Variants in TENM1 observed in about 807,000 individuals in gnomAD.
The protein encoded by TENM1 is teneurin-1.
In TENM1, 35 loss-of-function variants were observed where a neutral mutation model predicts 174.8. The ratio of observed to expected loss-of-function variants is 0.20; its 90% CI spans 0.15 to 0.27. The LOEUF (loss-of-function observed/expected upper bound fraction) is 0.27. Among genes scored for constraint, TENM1 ranks in the 10% least tolerant of loss-of-function variants. TENM1 has a pLI of 1.00. For missense variants in TENM1, 1,633 were observed against 2,130.1 expected (o/e 0.77, Z 4.59); for synonymous variants, 781 against 798.7 (o/e 0.98, Z 0.37).
rs200848099 is a variant in TENM1 at position 124,551,528 on chromosome X, C to CCACACACA, written c.2435-4446_2435-4439dup. 1.5e-3 allele frequency among the ~76,000 whole-genome samples: 154 copies of CCACACACA among 101,797 alleles called. 4 individuals are homozygous for CCACACACA. Among genetic ancestry groups the CCACACACA allele is most frequent in the Non-Finnish European group, 1.1e-3 (56 of 49,698 alleles). The allele number at this position is 101,797 out of a possible 115,157, so 88.4% of individuals were successfully genotyped here. On this transcript the variant is annotated intron_variant, in intron 14 of 31. Transcript: ENST00000422452. ...TTAAGTGTTCTTAACACACACACAC[C>CCACACACA]CACACACACACACACACACACACAC...
intron 4 of TENM1, among the ~76,000 whole-genome samples, chrX:124,714,298 C>CCTAT (rs1177620554): frequency 1.8e-5 from 2 of 111,683 alleles, no homozygotes; most frequent in Non-Finnish European, 3.8e-5. Context: ...AGTACAAATG[C>CCTAT]CTATCTTATT....
chrX:125,128,949 G>C, the TENM1 span, among the ~76,000 whole-genome samples: 1 of 111,278 alleles, frequency 9.0e-6, no homozygotes, highest in African/African-American at 3.3e-5. Context: ...TATATTTGGA[G>C]ATAGGGCCTC....
At chrX:124,423,835 C>T (rs932460672) in intron 23 of TENM1, among the ~76,000 whole-genome samples, 6 of 111,730 alleles carry the variant, frequency 5.4e-5, no homozygotes, top group Non-Finnish European at 9.4e-5. Context: ...ATTGTGTCCT[C>T]CCCAACTTCA....
At chrX:125,196,013 C>T in the TENM1 span, among the ~76,000 whole-genome samples, 8 of 90,696 alleles carry the variant, frequency 8.8e-5, no homozygotes, top group Admixed American at 1.2e-4. Context: ...AAAGAAGGAA[C>T]GAAGGAAGGA....
intron 3 of TENM1, among the ~76,000 whole-genome samples, chrX:124,758,814 G>T (rs1446354409): frequency 9.0e-6 from 1 of 111,699 alleles, no homozygotes; most frequent in Non-Finnish European, 1.9e-5. Flanking sequence ...ACTTATATGA[G>T]GAATCTAAAT....
At chrX:124,995,678 G>A in the TENM1 span, among the ~76,000 whole-genome samples, 1 of 111,489 alleles carries the variant, frequency 9.0e-6, no homozygotes, top group Non-Finnish European at 1.9e-5. Flanking sequence ...TAAATCATAT[G>A]CCTTGAAGAA....
At chrX:125,101,368 A>C in the TENM1 span, among the ~76,000 whole-genome samples, 2 of 111,972 alleles carry the variant, frequency 1.8e-5, no homozygotes, top group South Asian at 7.4e-4. Flanking sequence ...GGAACCCTGC[A>C]GAAGACCATA....
chrX:124,601,059 G>C (rs2050015402), intron 11 of TENM1, among the ~76,000 whole-genome samples: 1 of 111,835 alleles, frequency 8.9e-6, no homozygotes, highest in South Asian at 3.7e-4. Context: ...TTATTCTTGA[G>C]TGTTTCAGGG....
chrX:124,757,292 C>G (rs943095162), intron 3 of TENM1, among the ~76,000 whole-genome samples: 13 of 112,636 alleles, frequency 1.2e-4, no homozygotes, highest in Non-Finnish European at 2.1e-4. Context: ...TAGGACCCTC[C>G]AAGCCAGGTG....
At chrX:124,863,343 T>C (rs370386939) in intron 3 of TENM1, among the ~76,000 whole-genome samples, 2 of 110,163 alleles carry the variant, frequency 1.8e-5, no homozygotes, top group Admixed American at 9.6e-5. Context: ...GATTTGACTA[T>C]TGAACAGCAT....
At chrX:124,409,612 A>G (rs1297939474) in intron 25 of TENM1, among the ~76,000 whole-genome samples, 1 of 109,899 alleles carries the variant, frequency 9.1e-6, no homozygotes, top group Admixed American at 9.7e-5. Flanking sequence ...TTGTATATCT[A>G]GAAAACCCCA....
rs747575268 is a variant in TENM1 at position 124,746,340 on chromosome X, C to A, written c.536-9143G>T. On this transcript the variant is annotated intron_variant, in intron 3 of 31. Coordinates refer to ENST00000422452, the Ensembl canonical transcript of TENM1. ...TGAAAAGTTTTCTGCTTGAAATGTT[C>A]ATTGATTGATTCATTATTACAAATT... 3.6e-5 allele frequency among the ~76,000 whole-genome samples: 4 copies of A among 111,174 alleles called. No homozygotes were observed. In the South Asian group the frequency reaches 1.5e-3, roughly 42 times the overall value.
the TENM1 span, among the ~76,000 whole-genome samples, chrX:125,024,474 T>C: frequency 9.0e-6 from 1 of 110,943 alleles, no homozygotes; most frequent in Non-Finnish European, 1.9e-5. Context: ...TGGATGCCAT[T>C]ATCTTAAGTG....
intron 11 of TENM1, among the ~76,000 whole-genome samples, chrX:124,638,655 A>G (rs988914023): frequency 1.4e-4 from 16 of 110,738 alleles, no homozygotes; most frequent in South Asian, 3.9e-4. Flanking sequence ...GTCCCAAACT[A>G]TGTTCCAAAT....
chrX:124,855,448 C>CA (rs2056797768), intron 3 of TENM1, among the ~76,000 whole-genome samples: 1 of 111,251 alleles, frequency 9.0e-6, no homozygotes, highest in African/African-American at 3.3e-5. Flanking sequence ...TAATCCCACA[C>CA]AAAAAAGACC....
chrX:124,630,610 T>C (rs1161730250), intron 11 of TENM1, among the ~76,000 whole-genome samples: 1 of 112,039 alleles, frequency 8.9e-6, no homozygotes, highest in Non-Finnish European at 1.9e-5. Context: ...CCCAAGATTA[T>C]ATGGAAAGTC....
chrX:124,773,879 T>A (rs1228759103), intron 3 of TENM1, among the ~76,000 whole-genome samples: 1 of 111,992 alleles, frequency 8.9e-6, no homozygotes, highest in East Asian at 2.8e-4. Context: ...ATATCAAGGA[T>A]GGATTTAGAG....
intron 3 of TENM1, among the ~76,000 whole-genome samples, chrX:124,751,497 T>A (rs964040659): frequency 4.5e-5 from 5 of 110,955 alleles, no homozygotes; most frequent in African/African-American, 1.6e-4. Flanking sequence ...CATTTTATTT[T>A]ATTATTATTA....
intron 3 of TENM1, among the ~76,000 whole-genome samples, chrX:124,885,971 A>T (rs781052307): frequency 5.2e-4 from 58 of 112,002 alleles, no homozygotes; most frequent in Non-Finnish European, 9.6e-4. Context: ...TATCTATCAA[A>T]AGTGAAAAGA....
Sources: gnomAD v4.1 joint callset for allele counts (sites outside exome capture counted in the v4.1 genomes callset) on GRCh38, gnomAD v4.1.1 for gene constraint, MANE v1.5 for transcripts, NCBI Gene and HGNC (gene_info 2026-07-23, HGNC 2026-07-21) for gene names.